The following SERPINB2 variants were observed in gnomAD, a reference collection of about 807,000 sequenced individuals.
SERPINB2 encodes the protein plasminogen activator inhibitor 2.
SERPINB2 carries 28 observed loss-of-function variants against 39.4 expected under a neutral mutation model. The observed-to-expected ratio is 0.71, with a 90% CI of 0.53 to 0.97. SERPINB2 has a LOEUF of 0.97. Ranked by LOEUF, SERPINB2 falls within the 50% of genes least tolerant of loss-of-function variation. The probability of loss-of-function intolerance (pLI) is 0.00; values close to 1 mark genes in which losing one functional copy is unlikely to be tolerated. For synonymous variants in SERPINB2, 209 were observed against 175.1 expected (o/e 1.19, Z -1.53); for missense variants, 557 against 505.3 (o/e 1.10, Z -0.98).
chr18:63,902,353 C>G (rs531360666), intron 6 of SERPINB2, 51 bp from the exon 7 acceptor site: 1 of 1,443,912 alleles, frequency 6.9e-7, no homozygotes, highest in African/African-American at 1.4e-5. Flanking sequence ...AATTGTAAAT[C>G]TCTTGATATC....
chr18:63,891,661 G>T (rs1371940851), intron 2 of SERPINB2, 49 bp downstream of exon 2: 11 of 1,560,322 alleles, frequency 7.0e-6, no homozygotes, highest in Non-Finnish European at 9.6e-6. Context: ...TTCCTGAATG[G>T]AATTGGAGAA....
intron 5 of SERPINB2, among the ~76,000 whole-genome samples, chr18:63,900,934 C>A (rs943669578): frequency 6.6e-6 from 1 of 152,042 alleles, no homozygotes; most frequent in Non-Finnish European, 1.5e-5. Flanking sequence ...CTGGTGGTGT[C>A]CTTTTGCATA....
intron 2 of SERPINB2, among the ~76,000 whole-genome samples, chr18:63,892,894 C>G (rs2049935705): frequency 6.6e-6 from 1 of 152,136 alleles, no homozygotes; most frequent in African/African-American, 2.4e-5. Flanking sequence ...TAAATTGGCA[C>G]AAAAGCTTTA....
chr18:63,897,118 T>C lies in SERPINB2; in HGVS notation c.316T>C (p.Ser106Pro). 1 of 1,613,306 alleles carries C rather than the reference T, an allele frequency of 6.2e-7. No homozygotes were observed. The highest frequency in any genetic ancestry group is 8.5e-7 in the Non-Finnish European group (1 of 1,179,474). The change falls in exon 4 of 8, where the codon TCC becomes CCC. Residue 106 changes from serine to proline, a missense_variant. Coordinates refer to ENST00000299502, the MANE Select transcript of SERPINB2 (RefSeq NM_002575.3). ...ACAAGCTGCAGATAAAATCCATTCATCCTTCCGCTCTCTCAGCTCTGCAAT... is the reference window on the plus strand; with the variant it reads ...ACAAGCTGCAGATAAAATCCATTCACCCTTCCGCTCTCTCAGCTCTGCAAT... ...QAQAADKIHS[S>P]FRSLSSAINA...
chr18:63,891,917 T>G (rs778456464), intron 2 of SERPINB2, among the ~76,000 whole-genome samples: 2 of 152,164 alleles, frequency 1.3e-5, no homozygotes, highest in Non-Finnish European at 2.9e-5. Context: ...TCAAAGTTAG[T>G]GTTTTGTACC....
intron 2 of SERPINB2, among the ~76,000 whole-genome samples, chr18:63,893,805 C>T (rs941225260): frequency 5.3e-5 from 8 of 152,144 alleles, no homozygotes; most frequent in African/African-American, 1.9e-4. Flanking sequence ...TTTCTAAGAA[C>T]TTCTTATAAA....
chr18:63,902,435 T>C lies in SERPINB2; in HGVS notation c.710T>C (p.Leu237Ser). 1.9e-6 allele frequency: 3 copies of C among 1,613,318 alleles called. No homozygotes were observed. Among genetic ancestry groups the C allele is most frequent in the Non-Finnish European group, 2.5e-6 (3 of 1,179,546 alleles). ...CGCACACCTGTACAGATGATGTACTTGCGTGAAAAGCTAAACATTGGATAC... is the reference window on the plus strand; with the variant it reads ...CGCACACCTGTACAGATGATGTACTCGCGTGAAAAGCTAAACATTGGATAC... ...AQRTPVQMMY[L>S]REKLNIGYIE... The change falls in exon 7 of 8, where the codon TTG becomes TCG. Residue 237 changes from leucine (L) to serine (S), a missense_variant. By Grantham distance (145) the Leu-to-Ser change is moderately radical. Coordinates refer to ENST00000299502, the MANE Select transcript of SERPINB2 (RefSeq NM_002575.3).
At position 63,903,606 on chromosome 18, in the gene SERPINB2, G is replaced by C. The variant is rs1437608428; in HGVS notation, c.*301G>C. 1 of 179,476 alleles carries C rather than the reference G, an allele frequency of 5.6e-6. No homozygotes were observed. Among genetic ancestry groups the C allele is most frequent in the Non-Finnish European group, 1.1e-5 (1 of 87,184 alleles). 11.1% of individuals were successfully genotyped at this position (179,476 alleles called of 1,614,324 possible). A position where few individuals can be genotyped will look rare whatever the true frequency, so the allele number is the denominator to read the frequency against. On this transcript the variant is annotated 3_prime_UTR_variant, in exon 8 of 8. Coordinates refer to ENST00000299502, the MANE Select transcript of SERPINB2 (RefSeq NM_002575.3). ...GTTATTTATTATTTTATATAATGGT[G>C]AGTTTTTAAATTATTGCTCACTGCC... is the stretch of plus-strand genomic sequence containing the variant.
At chr18:63,899,294 TGTTA>T (rs752060203) in intron 5 of SERPINB2, among the ~76,000 whole-genome samples, 8 of 152,202 alleles carry the variant, frequency 5.3e-5, no homozygotes, top group Non-Finnish European at 1.0e-4. Context: ...AACTGATTTT[TGTTA>T]GTTTGTTTTG....
chr18:63,896,959 A>G, intron 3 of SERPINB2, 132 bp from the exon 4 acceptor site: 1 of 700,032 alleles, frequency 1.4e-6, no homozygotes, highest in Non-Finnish European at 2.2e-6. Context: ...AGATTCCTCT[A>G]ATGTACCAAA....
In SERPINB2 at chr18:63,903,286, G is replaced by A. The variant is rs1308832466; in HGVS notation, c.1229G>A (p.Gly410Asp). 1 of 1,530,412 alleles carries A rather than the reference G, an allele frequency of 6.5e-7. No individual in the cohort carries two copies. The highest frequency in any genetic ancestry group is 8.8e-7 in the Non-Finnish European group (1 of 1,139,700). The allele number at this position is 1,530,412 out of a possible 1,614,324, so 94.8% of individuals were successfully genotyped here. The change falls in exon 8 of 8, where the codon GGC becomes GAC. Residue 410 changes from glycine to aspartate, a missense_variant. By Grantham distance (94) the Gly-to-Asp change is moderately conservative (BLOSUM62 -1). Transcript: ENST00000299502. ...HKITNCILFF[G>D]RFSSP ...ATAACCAACTGCATTTTATTTTTCGGCAGATTTTCCTCACCCTAAAACTAA... is the reference window on the plus strand; with the variant it reads ...ATAACCAACTGCATTTTATTTTTCGACAGATTTTCCTCACCCTAAAACTAA...
At chr18:63,896,902 C>T (rs1389054645) in intron 3 of SERPINB2, among the ~76,000 whole-genome samples, 189 bp from the exon 4 acceptor site, 2 of 152,142 alleles carry the variant, frequency 1.3e-5, no homozygotes, top group Non-Finnish European at 2.9e-5. Flanking sequence ...TAAAATTCAC[C>T]TTATTAGTTT....
intron 4 of SERPINB2, 127 bp downstream of exon 4, chr18:63,897,346 T>A (rs2049966520): frequency 8.8e-7 from 1 of 1,141,082 alleles, no homozygotes; most frequent in African/African-American, 1.6e-5. Flanking sequence ...TCCCTAGGGC[T>A]GGCCTTGCGT....
chr18:63,901,627 G>A, intron 5 of SERPINB2, 113 bp from the exon 6 acceptor site: 1 of 720,078 alleles, frequency 1.4e-6, no homozygotes, highest in South Asian at 4.4e-5. Flanking sequence ...TTAGCTTGAA[G>A]ATTAACAACT....
Position 63,903,008 on chromosome 18 carries a change from T to A in SERPINB2, c.951T>A (p.His317Gln), listed in dbSNP as rs1341335072. 2.5e-6 allele frequency: 4 copies of A among 1,613,778 alleles called. No homozygotes were observed. ...TACCCCAGTTCAAATTAGAAGAGCA[T>A]TATGAACTCAGATCCATTCTGAGAA... ...VYIPQFKLEEHYELRSILRSM... is the reference protein window; with the variant it reads ...VYIPQFKLEEQYELRSILRSM... Residue 317 changes from histidine to glutamine, a missense_variant, in exon 8 of 8, where the codon CAT becomes CAA. Coordinates refer to ENST00000299502, the MANE Select transcript of SERPINB2 (RefSeq NM_002575.3).
At chr18:63,892,617 G>A (rs1261464134) in intron 2 of SERPINB2, 1 of 152,194 alleles carries the variant, frequency 6.6e-6, no homozygotes, top group African/African-American at 2.4e-5. Context: ...CCACGAGAAT[G>A]TACCTGAGTG....
Position 63,897,146 on chromosome 18 carries a change from AT to A in SERPINB2, c.345del (p.Asn115LysfsTer42). On this transcript the variant is annotated frameshift_variant, in exon 4 of 8. Transcript: ENST00000299502. LOFTEE classifies it high-confidence loss of function. ...SSFRSLSSAI[N>X]ASTGNYLLES... ...TTCCGCTCTCTCAGCTCTGCAATCAATGCATCCACAGGGAATTATTTACTGG... is the reference window on the plus strand; with the variant it reads ...TTCCGCTCTCTCAGCTCTGCAATCAAGCATCCACAGGGAATTATTTACTGG... 6.2e-7 allele frequency: 1 copy of A among 1,613,644 alleles called. No homozygotes were observed.
chr18:63,903,053 C>G lies in SERPINB2; in HGVS notation c.996C>G (p.Ala332=), dbSNP rs2050003662. ...SILRSMGMED[A]FNKGRANFSG... is the part of the protein sequence containing the mutation. ...TGAGAAGCATGGGCATGGAGGACGC[C>G]TTCAACAAGGGACGGGCCAATTTCT... The change falls in exon 8 of 8, where the codon GCC becomes GCG. Residue 332 remains alanine (A), a synonymous_variant. Coordinates refer to ENST00000299502, the MANE Select transcript of SERPINB2 (RefSeq NM_002575.3). 1.9e-6 allele frequency: 3 copies of G among 1,613,746 alleles called. No homozygotes were observed. The highest frequency in any genetic ancestry group is 2.5e-6 in the Non-Finnish European group (3 of 1,179,786).
chr18:63,897,102 A>G lies in SERPINB2; in HGVS notation c.300A>G (p.Ala100=). The G allele has an allele frequency of 9.9e-6, 16 of 1,612,822 alleles. No homozygotes were observed. Among genetic ancestry groups the G allele is most frequent in the Non-Finnish European group, 1.4e-5 (16 of 1,179,264 alleles). ...TCTTTCTTTTCAAGGCACAAGCTGC[A>G]GATAAAATCCATTCATCCTTCCGCT... The part of the protein sequence containing the change: ...YPDAILQAQA[A]DKIHSSFRSL... Residue 100 remains alanine (A), a synonymous_variant, in exon 4 of 8, where the codon GCA becomes GCG. Transcript: ENST00000299502.
Sources: gnomAD v4.1 joint callset for allele counts (sites outside exome capture counted in the v4.1 genomes callset) on GRCh38, gnomAD v4.1.1 for gene constraint, MANE v1.5 for transcripts, NCBI Gene and HGNC (gene_info 2026-07-23, HGNC 2026-07-21) for gene names.